The following DSCAM variants were observed in gnomAD, a reference collection of about 807,000 sequenced individuals.
DSCAM encodes the protein DS cell adhesion molecule.
A neutral mutation model predicts 217.7 loss-of-function variants in DSCAM; 47 were observed. That is an observed-to-expected ratio of 0.22 (90% confidence interval 0.17 to 0.28). The LOEUF (loss-of-function observed/expected upper bound fraction) is 0.28. Among genes scored for constraint, DSCAM ranks in the 10% least tolerant of loss-of-function variants. The pLI is 1.00. For synonymous variants in DSCAM, 1,056 were observed against 1,015.3 expected (o/e 1.04, Z -0.76); for missense variants, 2,080 against 2,618.3 (o/e 0.79, Z 4.49).
chr21:40,491,829 C>T (rs778596104), intron 3 of DSCAM, among the ~76,000 whole-genome samples: 1 of 152,224 alleles, frequency 6.6e-6, no homozygotes, highest in African/African-American at 2.4e-5. Flanking sequence ...ACTTTCTCAG[C>T]AAGCCCTGTT....
intron 11 of DSCAM, among the ~76,000 whole-genome samples, chr21:40,204,031 T>C (rs1177881827): frequency 6.6e-6 from 1 of 152,226 alleles, no homozygotes; most frequent in East Asian, 1.9e-4. Context: ...ATTAACAACA[T>C]AGGTAAAAGA....
chr21:40,801,243 C>A (rs1451589738), intron 1 of DSCAM, among the ~76,000 whole-genome samples: 2 of 152,110 alleles, frequency 1.3e-5, no homozygotes, highest in African/African-American at 2.4e-5. Flanking sequence ...ATAAAAGGAG[C>A]TACATGGTTA....
chr21:40,514,937 G>C (rs1320294581), intron 3 of DSCAM, among the ~76,000 whole-genome samples: 1 of 152,110 alleles, frequency 6.6e-6, no homozygotes, highest in Admixed American at 6.6e-5. Flanking sequence ...GGAAGGAAAA[G>C]GAAAAGCTAA....
intron 1 of DSCAM, among the ~76,000 whole-genome samples, chr21:40,721,186 T>C (rs1200449079): frequency 6.6e-6 from 1 of 152,124 alleles, no homozygotes; most frequent in Non-Finnish European, 1.5e-5. Flanking sequence ...TCTAAGTAAT[T>C]GAACTGCACA....
chr21:40,170,594 T>C (rs1380167463), intron 15 of DSCAM, among the ~76,000 whole-genome samples: 1 of 152,172 alleles, frequency 6.6e-6, no homozygotes, highest in Non-Finnish European at 1.5e-5. Context: ...ACCCAATTTC[T>C]TGCACATGGG....
At chr21:40,159,260 T>C (rs2090512524) in intron 16 of DSCAM, among the ~76,000 whole-genome samples, 1 of 152,246 alleles carries the variant, frequency 6.6e-6, no homozygotes, top group Non-Finnish European at 1.5e-5. Context: ...CCTTTTTCAT[T>C]CTAACATCTG....
chr21:40,059,932 C>T (rs1377482737), intron 28 of DSCAM, among the ~76,000 whole-genome samples: 1 of 152,152 alleles, frequency 6.6e-6, no homozygotes, highest in Admixed American at 6.5e-5. Flanking sequence ...TGGGCCATGT[C>T]CAAATATGGT....
chr21:40,841,752 G>A (rs913135179), intron 1 of DSCAM, among the ~76,000 whole-genome samples: 2 of 152,226 alleles, frequency 1.3e-5, no homozygotes, highest in African/African-American at 2.4e-5. Context: ...CGAGGCGCGC[G>A]CCACGCCGGG....
intron 1 of DSCAM, among the ~76,000 whole-genome samples, chr21:40,820,653 A>G (rs2091917157): frequency 6.6e-6 from 1 of 152,182 alleles, no homozygotes; most frequent in Non-Finnish European, 1.5e-5. Context: ...AGGGTCATAA[A>G]TATGTATTAC....
intron 20 of DSCAM, among the ~76,000 whole-genome samples, chr21:40,114,340 T>G (rs2089940301): frequency 6.6e-6 from 1 of 151,000 alleles, no homozygotes; most frequent in Admixed American, 6.6e-5. Flanking sequence ...TATATGGTGC[T>G]GGGAAAACTG....
At chr21:40,541,653 C>G (rs778478637) in intron 3 of DSCAM, among the ~76,000 whole-genome samples, 157 of 151,936 alleles carry the variant, frequency 1.0e-3, no homozygotes, top group African/African-American at 3.5e-3. Context: ...CATATAAGTG[C>G]GTAAGTATAT....
At chr21:40,801,886 A>AG (rs897974425) in intron 1 of DSCAM, among the ~76,000 whole-genome samples, 2 of 151,688 alleles carry the variant, frequency 1.3e-5, no homozygotes, top group Non-Finnish European at 1.5e-5. Flanking sequence ...GACTTGTCAC[A>AG]GGGGGGGTTG....
chr21:40,718,872 T>C (rs980543731), intron 1 of DSCAM, among the ~76,000 whole-genome samples: 1 of 152,114 alleles, frequency 6.6e-6, no homozygotes, highest in Non-Finnish European at 1.5e-5. Flanking sequence ...ATGCCTGTAA[T>C]CCCAGCACTT....
At chr21:40,513,856 TAACAACAAC>T (rs781364857) in intron 3 of DSCAM, among the ~76,000 whole-genome samples, 1 of 151,902 alleles carries the variant, frequency 6.6e-6, no homozygotes, top group African/African-American at 2.4e-5. Context: ...AAACTGTATG[TAACAACAAC>T]AACAACAACA....
At chr21:40,694,372 C>T (rs1306564858) in intron 2 of DSCAM, among the ~76,000 whole-genome samples, 1 of 152,092 alleles carries the variant, frequency 6.6e-6, no homozygotes, top group African/African-American at 2.4e-5. Flanking sequence ...AAAATGGTTT[C>T]AAAAGGTACT....
At chr21:40,406,394 C>A (rs2075279891) in intron 3 of DSCAM, among the ~76,000 whole-genome samples, 1 of 152,216 alleles carries the variant, frequency 6.6e-6, no homozygotes, top group Non-Finnish European at 1.5e-5. Flanking sequence ...GATACAGAAT[C>A]AACCTGTGTC....
rs116014385 is a variant in DSCAM, at chr21:40,102,993, T to C, written c.3697-9119A>G. On this transcript the variant is annotated intron_variant, in intron 20 of 32. Transcript: ENST00000400454. Reference sequence around the variant, plus strand: ...TCTGCAGGGAACCTGGTTCAGAGCATTGCTTAGAGCTGGGACTCAATGACC... The same window carrying C: ...TCTGCAGGGAACCTGGTTCAGAGCACTGCTTAGAGCTGGGACTCAATGACC... 8.8e-3 allele frequency among the ~76,000 whole-genome samples: 1,337 copies of C among 152,306 alleles called. 20 individuals are homozygous for C. Among genetic ancestry groups the C allele is most frequent in the African/African-American group, 0.03 (1,247 of 41,554 alleles).
At chr21:40,153,747 A>G (rs189116604) in intron 16 of DSCAM, among the ~76,000 whole-genome samples, 7 of 152,232 alleles carry the variant, frequency 4.6e-5, no homozygotes, top group African/African-American at 1.7e-4. Context: ...GTGTGTTTTA[A>G]AAAGCCCTCC....
chr21:40,304,158 T>C (rs965640287), intron 9 of DSCAM, among the ~76,000 whole-genome samples: 12 of 152,310 alleles, frequency 7.9e-5, no homozygotes, highest in African/African-American at 2.4e-4. Context: ...TTTTGGGGTG[T>C]TGTTTTTGTT....
Sources: gnomAD v4.1 joint callset for allele counts (sites outside exome capture counted in the v4.1 genomes callset) on GRCh38, gnomAD v4.1.1 for gene constraint, MANE v1.5 for transcripts, NCBI Gene and HGNC (gene_info 2026-07-23, HGNC 2026-07-21) for gene names.